IMPG1: variants seen among roughly 807,000 people sequenced by gnomAD.
The protein encoded by IMPG1 is interphotoreceptor matrix proteoglycan of 150 kDa.
IMPG1 carries 85 observed loss-of-function variants against 92.0 expected under a neutral mutation model. That is an observed-to-expected ratio of 0.92 (90% CI 0.78 to 1.11). The LOEUF is 1.11. Ranked by LOEUF, IMPG1 falls within the 50% of genes least tolerant of loss-of-function variation. IMPG1 has a pLI of 0.00. For missense variants in IMPG1, 1,022 were observed against 956.0 expected (o/e 1.07, Z -0.91); for synonymous variants, 367 against 334.1 (o/e 1.10, Z -1.08).
At chr6:76,042,172 GT>G (rs1395704381) in intron 1 of IMPG1, 46 bp from the exon 2 acceptor site, 3 of 969,852 alleles carry the variant, frequency 3.1e-6, no homozygotes, top group African/African-American at 1.6e-5. Context: ...ACATTTATGT[GT>G]TATATGTGAC....
intron 1 of IMPG1, among the ~76,000 whole-genome samples, chr6:76,061,627 A>G (rs1310219458): frequency 2.0e-5 from 3 of 152,254 alleles, no homozygotes; most frequent in South Asian, 4.1e-4. Context: ...TTCATTTAGT[A>G]TAACCAAATG....
chr6:75,978,212 C>A (rs1028503999), intron 12 of IMPG1, among the ~76,000 whole-genome samples: 2 of 150,832 alleles, frequency 1.3e-5, no homozygotes, highest in Non-Finnish European at 3.0e-5. Flanking sequence ...TACTCGAAAA[C>A]CTTTCTTTGG....
chr6:76,024,684 TG>T (rs1783492114), intron 5 of IMPG1, among the ~76,000 whole-genome samples: 1 of 152,184 alleles, frequency 6.6e-6, no homozygotes, highest in Non-Finnish European at 1.5e-5. Context: ...ATTAGTGATT[TG>T]ACAAAGATTT....
At position 76,072,419 on chromosome 6, in the gene IMPG1, T is replaced by A; in HGVS notation, c.67+3A>T. 1 of 1,498,284 alleles carries A rather than the reference T, an allele frequency of 6.7e-7. No individual in the cohort carries two copies. Among genetic ancestry groups the A allele is most frequent in the Middle Eastern group, 1.7e-4 (1 of 5,752 alleles). The allele number at this position is 1,498,284 out of a possible 1,614,324, so 92.8% of individuals were successfully genotyped here. A position where few individuals can be genotyped will look rare whatever the true frequency, so the allele number is the denominator to read the frequency against. On this transcript the variant is annotated splice_donor_region_variant and intron_variant, in intron 1 of 16. Coordinates refer to ENST00000369950, the MANE Select transcript of IMPG1 (RefSeq NM_001563.4). ...TTTAAAAGTAAACATTTAAGTAACT[T>A]ACCTTTGGTTCCTTGAACTTGGAGA... is the stretch of plus-strand genomic sequence containing the variant.
At chr6:75,922,698 A>G (rs182112379) in intron 16 of IMPG1, among the ~76,000 whole-genome samples, 3 of 152,322 alleles carry the variant, frequency 2.0e-5, no homozygotes, top group Admixed American at 2.0e-4. Flanking sequence ...TGTCAATATC[A>G]GATCCTGTGT....
chr6:76,070,366 A>T (rs943038925), intron 1 of IMPG1, among the ~76,000 whole-genome samples: 1 of 152,176 alleles, frequency 6.6e-6, no homozygotes, highest in African/African-American at 2.4e-5. Flanking sequence ...CACTGTTGGC[A>T]GAAATGGAAA....
At chr6:76,022,526 C>CCTTT (rs1467621371) in intron 5 of IMPG1, among the ~76,000 whole-genome samples, 14 of 152,122 alleles carry the variant, frequency 9.2e-5, no homozygotes, top group African/African-American at 3.1e-4. Flanking sequence ...ATAAAGGACA[C>CCTTT]ATAGGCAGAT....
intron 12 of IMPG1, among the ~76,000 whole-genome samples, chr6:75,967,996 C>T (rs954178331): frequency 7.2e-5 from 11 of 152,110 alleles, no homozygotes; most frequent in South Asian, 6.2e-4. Context: ...GGAATGGAGA[C>T]GCTGTGGGAT....
At chr6:75,986,504 G>A (rs1782720783) in intron 12 of IMPG1, among the ~76,000 whole-genome samples, 1 of 152,088 alleles carries the variant, frequency 6.6e-6, no homozygotes. Flanking sequence ...ATCTAGAAGG[G>A]GATCTGCAGA....
At chr6:75,932,820 C>T (rs9343334) in intron 14 of IMPG1, among the ~76,000 whole-genome samples, 53,890 of 151,722 alleles carry the variant, frequency 0.36, 10,177 homozygotes, top group Non-Finnish European at 0.44. Context: ...CCTGCCTCAG[C>T]CTCTTGAGTA....
chr6:75,936,997 A>G (rs1781756968), intron 14 of IMPG1, among the ~76,000 whole-genome samples: 3 of 152,190 alleles, frequency 2.0e-5, no homozygotes, highest in Admixed American at 6.5e-5. Context: ...TGGCAGTCCA[A>G]CCAGTGTTGG....
intron 1 of IMPG1, among the ~76,000 whole-genome samples, chr6:76,070,856 C>A (rs1306586710): frequency 6.6e-6 from 1 of 152,076 alleles, no homozygotes; most frequent in East Asian, 1.9e-4. Flanking sequence ...TGAAAAATTA[C>A]CCAATGAGTA....
chr6:75,952,384 G>A (rs545755379), intron 12 of IMPG1, among the ~76,000 whole-genome samples: 1 of 152,188 alleles, frequency 6.6e-6, no homozygotes, highest in Admixed American at 6.5e-5. Context: ...TACTAAAACC[G>A]AAACTCCAAG....
intron 1 of IMPG1, among the ~76,000 whole-genome samples, chr6:76,053,969 G>A (rs912127297): frequency 6.6e-6 from 1 of 152,074 alleles, no homozygotes; most frequent in African/African-American, 2.4e-5. Context: ...GTATATCTTT[G>A]CCTGTTAACT....
In IMPG1 at chr6:76,012,652, A is replaced by G. The variant is rs1173294216; in HGVS notation, c.808-1428T>C. Among the ~76,000 whole-genome samples the G allele has an allele frequency of 2.0e-5, 3 of 152,278 alleles. No individual in the cohort carries two copies. The East Asian group carries it at 5.8e-4, about 29-fold the overall frequency. ...AGAGCAGGGTGAAAGGTGAAACTGAACAGGTGAGCAGACACCCATCCCTTT... is the reference window on the plus strand; with the variant it reads ...AGAGCAGGGTGAAAGGTGAAACTGAGCAGGTGAGCAGACACCCATCCCTTT... On this transcript the variant is annotated intron_variant, in intron 7 of 16. Coordinates refer to ENST00000369950, the MANE Select transcript of IMPG1 (RefSeq NM_001563.4).
At chr6:75,986,501 AGG>A (rs2149471539) in intron 12 of IMPG1, among the ~76,000 whole-genome samples, 1 of 152,318 alleles carries the variant, frequency 6.6e-6, no homozygotes, top group Non-Finnish European at 1.5e-5. Context: ...CAGATCTAGA[AGG>A]GGATCTGCAG....
intron 12 of IMPG1, among the ~76,000 whole-genome samples, chr6:75,967,254 C>T (rs1487203727): frequency 6.6e-6 from 1 of 152,016 alleles, no homozygotes. Context: ...GCAAGTTATC[C>T]CTTGCTATGG....
At chr6:76,024,960 G>A (rs1783497477) in intron 5 of IMPG1, 1 of 575,648 alleles carries the variant, frequency 1.7e-6, no homozygotes, top group Non-Finnish European at 3.3e-6. Flanking sequence ...TGTTCATGAT[G>A]GTTGTTTCCA....
At chr6:76,004,880 C>G (rs75924745) in intron 10 of IMPG1, among the ~76,000 whole-genome samples, 1,584 of 152,256 alleles carry the variant, frequency 0.01, 31 homozygotes, top group African/African-American at 0.036. Flanking sequence ...TACAAATGGT[C>G]CCTTTATTAA....
Sources: gnomAD v4.1 joint callset for allele counts (sites outside exome capture counted in the v4.1 genomes callset) on GRCh38, gnomAD v4.1.1 for gene constraint, MANE v1.5 for transcripts, NCBI Gene and HGNC (gene_info 2026-07-23, HGNC 2026-07-21) for gene names.